The following CHLSN variants were observed in gnomAD, a reference collection of about 807,000 sequenced individuals.
The protein encoded by CHLSN is cholesin.
At chr7:1,028,814 A>C in the CHLSN span, 4 of 682,758 alleles carry the variant, frequency 5.9e-6, no homozygotes, top group Admixed American at 1.3e-4. Context: ...ATCTGACTCC[A>C]TGGCCCCCAT....
chr7:1,109,383 A>G, the CHLSN span: 1 of 152,268 alleles, frequency 6.6e-6, no homozygotes, highest in Non-Finnish European at 1.5e-5. Context: ...CAACAGGCTG[A>G]AAACCACCGG....
chr7:1,133,157 T>C, the CHLSN span, among the ~76,000 whole-genome samples: 4 of 152,066 alleles, frequency 2.6e-5, no homozygotes, highest in Non-Finnish European at 5.9e-5. Flanking sequence ...CAGAAGACAC[T>C]GTGCCGGGCA....
the CHLSN span, chr7:1,000,618 A>AG: frequency 7.6e-7 from 1 of 1,323,912 alleles, no homozygotes; most frequent in Non-Finnish European, 1.1e-6. Context: ...GTCTGCCCTG[A>AG]GAGATCGGGG....
At chr7:1,098,051 G>A in the CHLSN span, among the ~76,000 whole-genome samples, 186 of 149,506 alleles carry the variant, frequency 1.2e-3, no homozygotes, top group Non-Finnish European at 1.7e-3. Flanking sequence ...GGGGTCAGTC[G>A]ACAAGAATGG....
the CHLSN span, chr7:988,431 C>A: frequency 1.9e-6 from 3 of 1,612,042 alleles, no homozygotes; most frequent in African/African-American, 1.3e-5. Context: ...CAGCAGCCCT[C>A]GGGGCCGGGG....
chr7:1,085,981 T>C, the CHLSN span, among the ~76,000 whole-genome samples: 27 of 152,248 alleles, frequency 1.8e-4, no homozygotes, highest in African/African-American at 6.5e-4. Flanking sequence ...CTTACATCAG[T>C]AGCTGTACAG....
chr7:1,070,759 ACATACACATG>A, the CHLSN span, among the ~76,000 whole-genome samples: 1 of 149,582 alleles, frequency 6.7e-6, no homozygotes, highest in Non-Finnish European at 1.5e-5. Context: ...ACGCACGCAG[ACATACACATG>A]CACACGCACG....
the CHLSN span, among the ~76,000 whole-genome samples, chr7:1,012,953 C>G: frequency 1.3e-5 from 2 of 152,264 alleles, no homozygotes; most frequent in East Asian, 3.8e-4. Flanking sequence ...TGGGATGACA[C>G]AGGCGGGCCC....
the CHLSN span, chr7:984,888 T>C: frequency 5.2e-6 from 8 of 1,525,626 alleles, no homozygotes; most frequent in Non-Finnish European, 7.0e-6. Context: ...TCCTGCCCAC[T>C]TGCCTGGCGG....
the CHLSN span, among the ~76,000 whole-genome samples, chr7:1,010,339 T>C: frequency 6.6e-6 from 1 of 152,198 alleles, no homozygotes; most frequent in Non-Finnish European, 1.5e-5. Flanking sequence ...CACATGAGGA[T>C]GGCCAGTCCT....
the CHLSN span, among the ~76,000 whole-genome samples, chr7:1,106,430 A>T: frequency 2.6e-5 from 4 of 152,184 alleles, no homozygotes; most frequent in Non-Finnish European, 5.9e-5. Context: ...AGAGGCCAGG[A>T]CAGCGTGGCA....
chr7:1,061,216 G>T, the CHLSN span, among the ~76,000 whole-genome samples: 4 of 152,226 alleles, frequency 2.6e-5, no homozygotes, highest in East Asian at 7.7e-4. Flanking sequence ...TCTGTTGCAG[G>T]GACTGGCCTG....
chr7:1,106,066 TAGGAAACGAACG>T, the CHLSN span, among the ~76,000 whole-genome samples: 17 of 152,284 alleles, frequency 1.1e-4, no homozygotes, highest in South Asian at 3.3e-3. Context: ...GCTGTTTATT[TAGGAAACGAACG>T]GGAAATGCAG....
chr7:1,124,620 G>A, the CHLSN span, among the ~76,000 whole-genome samples: 13 of 149,378 alleles, frequency 8.7e-5, no homozygotes, highest in African/African-American at 1.7e-4. Context: ...GCTAGATGAC[G>A]AGTTAGTGGG....
the CHLSN span, among the ~76,000 whole-genome samples, chr7:1,126,986 G>A: frequency 6.6e-6 from 1 of 152,026 alleles, no homozygotes; most frequent in African/African-American, 2.4e-5. Context: ...CATCCTGCAT[G>A]CCGCCACCAA....
At chr7:1,084,209 T>C in the CHLSN span, among the ~76,000 whole-genome samples, 50 of 152,362 alleles carry the variant, frequency 3.3e-4, no homozygotes, top group African/African-American at 1.1e-3. Flanking sequence ...TGCTGGTGCA[T>C]GTCTCCTTAA....
At chr7:984,448 C>T in the CHLSN span, 1 of 1,549,706 alleles carries the variant, frequency 6.5e-7, no homozygotes, top group Non-Finnish European at 8.7e-7. Context: ...CACCGTGCAC[C>T]TGGGGCGCCA....
chr7:1,093,151 G>A, the CHLSN span: 38 of 600,800 alleles, frequency 6.3e-5, no homozygotes, highest in Admixed American at 8.2e-4. Context: ...CGCCAACCCT[G>A]CCTGCCGCTG....
chr7:978,742 A>C, the CHLSN span, among the ~76,000 whole-genome samples: 6 of 152,250 alleles, frequency 3.9e-5, no homozygotes, highest in African/African-American at 1.4e-4. Context: ...CCCTTGCTGA[A>C]GCTTACGTGG....
Sources: allele counts gnomAD v4.1 joint callset (sites outside exome capture counted in the v4.1 genomes callset), GRCh38; gene constraint gnomAD v4.1.1; transcripts MANE v1.5; gene names NCBI Gene and HGNC (gene_info 2026-07-23, HGNC 2026-07-21).